Variants in ATXN2L observed in about 807,000 individuals in gnomAD.
ATXN2L encodes the protein ataxin-2-like protein.
Under a neutral mutation model 120.7 loss-of-function variants are expected in ATXN2L, and 24 were observed. That is an observed-to-expected ratio of 0.20 (90% CI 0.14 to 0.28). The LOEUF (loss-of-function observed/expected upper bound fraction) is 0.28, where lower values mean the gene tolerates loss of function less well. Ranked by LOEUF, ATXN2L falls within the 10% of genes least tolerant of loss-of-function variation. The probability of loss-of-function intolerance (pLI) is 1.00; values close to 1 mark genes in which losing one functional copy is unlikely to be tolerated. For synonymous variants in ATXN2L, 653 were observed against 568.1 expected (o/e 1.15, Z -2.13); for missense variants, 1,312 against 1,432.3 (o/e 0.92, Z 1.36).
intron 21 of ATXN2L, 31 bp from the exon 22 acceptor site, chr16:28,835,902 G>T: frequency 6.4e-7 from 1 of 1,553,292 alleles, no homozygotes; most frequent in Non-Finnish European, 8.7e-7. Context: ...GGATTCTGTG[G>T]TCTTCCCGGC....
chr16:28,823,168 C>A lies in ATXN2L; in HGVS notation c.-92C>A, dbSNP rs1389775602. The A allele has an allele frequency of 3.5e-6, 3 of 845,958 alleles. No individual in the cohort carries two copies. The highest frequency in any genetic ancestry group is 4.7e-6 in the Non-Finnish European group (3 of 638,058). 52.4% of individuals were successfully genotyped at this position (845,958 alleles called of 1,614,324 possible). ...CCACGGCGGGCCCCGGCTGCCCGAT[C>A]CCCCTCGCTTCCCGCGCTCTCCAGC... On this transcript the variant is annotated 5_prime_UTR_variant, in exon 1 of 22. Coordinates refer to ENST00000336783, the MANE Select transcript of ATXN2L (RefSeq NM_007245.4).
chr16:28,824,135 C>G (rs1469764265), intron 1 of ATXN2L: 1 of 1,021,278 alleles, frequency 9.8e-7, no homozygotes, highest in Non-Finnish European at 1.2e-6. Context: ...CTCTGGCGCG[C>G]GCGCCCCCTT....
At position 28,823,111 on chromosome 16, in the gene ATXN2L, ACCCCCGACACCGCGGGGCTC is replaced by A. The variant is rs1217786097; in HGVS notation, c.-142_-123del. 5 of 119,756 alleles carry A rather than the reference ACCCCCGACACCGCGGGGCTC, an allele frequency of 4.2e-5. No individual in the cohort carries two copies. Among genetic ancestry groups the A allele is most frequent in the East Asian group, 1.8e-4 (1 of 5,522 alleles). 7.4% of individuals were successfully genotyped at this position (119,756 alleles called of 1,614,324 possible). A position where few individuals can be genotyped will look rare whatever the true frequency, so the allele number is the denominator to read the frequency against. ...CCTCGCGCCGCGGTCTTCTCTCTCC[ACCCCCGACACCGCGGGGCTC>A]CCCCCGCCCGCCCACGGCGGGCCCC... On this transcript the variant is annotated 5_prime_UTR_variant, in exon 1 of 22. Coordinates refer to ENST00000336783, the MANE Select transcript of ATXN2L (RefSeq NM_007245.4).
intron 13 of ATXN2L, 32 bp downstream of exon 13, chr16:28,832,919 G>A (rs768451172): frequency 9.9e-6 from 16 of 1,612,288 alleles, no homozygotes; most frequent in Non-Finnish European, 1.4e-5. Context: ...ATATTAGCAG[G>A]GTAAAGGGGT....
In ATXN2L at chr16:28,829,722, GCCCGTTA is replaced by G. The variant is rs1477956555; in HGVS notation, c.834-132_834-126del. 3 of 938,402 alleles carry G rather than the reference GCCCGTTA, an allele frequency of 3.2e-6. No individual in the cohort carries two copies. The African/African-American group carries it at 4.9e-5, about 15-fold the overall frequency. The allele number at this position is 938,402 out of a possible 1,614,324, so 58.1% of individuals were successfully genotyped here. A position where few individuals can be genotyped will look rare whatever the true frequency, so the allele number is the denominator to read the frequency against. ...GTGCTCTACCTGGGATGCAGTCGGTGCCCGTTACCCAGATGTTGAAGGGATTAAATAC... is the reference window on the plus strand; with the variant it reads ...GTGCTCTACCTGGGATGCAGTCGGTGCCCAGATGTTGAAGGGATTAAATAC... On this transcript the variant is annotated intron_variant, in intron 7 of 21. Transcript: ENST00000336783.
chr16:28,828,163 T>C (rs1242394401), intron 6 of ATXN2L, among the ~76,000 whole-genome samples: 4 of 152,338 alleles, frequency 2.6e-5, no homozygotes, highest in East Asian at 3.9e-4. Flanking sequence ...TGCTGGACTT[T>C]TAGAACATAT....
chr16:28,830,819 G>T, intron 9 of ATXN2L, 29 bp downstream of exon 9: 1 of 1,567,716 alleles, frequency 6.4e-7, no homozygotes. Context: ...TTGAGGAAGA[G>T]GGCAGGGAAG....
intron 4 of ATXN2L, 67 bp from the exon 5 acceptor site, chr16:28,826,173 C>T: frequency 6.4e-7 from 1 of 1,573,204 alleles, no homozygotes; most frequent in Non-Finnish European, 8.7e-7. Flanking sequence ...AAGAGAAATC[C>T]AGTTCTATTT....
chr16:28,834,140 G>A lies in ATXN2L; in HGVS notation c.2101G>A (p.Gly701Ser). 6.2e-7 allele frequency: 1 copy of A among 1,614,172 alleles called. No homozygotes were observed. The highest frequency in any genetic ancestry group is 8.5e-7 in the Non-Finnish European group (1 of 1,180,014). Reference protein sequence around the residue: ...STPSIPVLTAGQSGLYSPQYI... With the variant: ...STPSIPVLTASQSGLYSPQYI... ...TCCCTCCATCCCGGTGCTGACAGCA[G>A]GCCAGAGTGGGCTATACAGCCCCCA... Residue 701 changes from glycine to serine, a missense_variant, in exon 16 of 22, where the codon GGC becomes AGC. By Grantham distance (56) the Gly-to-Ser change is moderately conservative. Coordinates refer to ENST00000336783, the MANE Select transcript of ATXN2L (RefSeq NM_007245.4).
At chr16:28,828,822 C>G (rs1158036578) in intron 6 of ATXN2L, among the ~76,000 whole-genome samples, 1 of 152,090 alleles carries the variant, frequency 6.6e-6, no homozygotes, top group African/African-American at 2.4e-5. Context: ...GTGGCTCGAT[C>G]TCAGCTCACT....
rs1201573837 is a variant in ATXN2L, at chr16:28,836,357, C to T, written c.*92C>T. The stretch of plus-strand genomic sequence containing the variant: ...GGGTGGGCAGAAGCCACAGTCGCCG[C>T]CGCCAGGGGCTTGCTCCTGGCTCTG... On this transcript the variant is annotated 3_prime_UTR_variant, in exon 22 of 22. Transcript: ENST00000336783. 7 of 1,613,568 alleles carry T rather than the reference C, an allele frequency of 4.3e-6. No homozygotes were observed. Among genetic ancestry groups the T allele is most frequent in the Non-Finnish European group, 5.1e-6 (6 of 1,179,880 alleles).
intron 15 of ATXN2L, chr16:28,833,716 ATCAG>A (rs1489798118): frequency 1.5e-4 from 83 of 539,552 alleles, no homozygotes; most frequent in Non-Finnish European, 2.5e-4. Context: ...TGATCAGGGG[ATCAG>A]GGATCCCAGT....
At chr16:28,834,007 C>T in intron 15 of ATXN2L, 58 bp from the exon 16 acceptor site, 2 of 1,568,192 alleles carry the variant, frequency 1.3e-6, no homozygotes, top group Non-Finnish European at 1.7e-6. Flanking sequence ...CCACTCTAGG[C>T]ATGGCCAGGA....
At position 28,823,342 on chromosome 16, in the gene ATXN2L, C is replaced by A; in HGVS notation, c.83C>A (p.Pro28His). The A allele has an allele frequency of 7.2e-7, 1 of 1,383,390 alleles. No homozygotes were observed. The highest frequency in any genetic ancestry group is 9.3e-7 in the Non-Finnish European group (1 of 1,070,058). The allele number at this position is 1,383,390 out of a possible 1,614,324, so 85.7% of individuals were successfully genotyped here. A position where few individuals can be genotyped will look rare whatever the true frequency, so the allele number is the denominator to read the frequency against. Residue 28 changes from proline to histidine, a missense_variant, in exon 1 of 22, where the codon CCC (proline) becomes CAC (histidine). Physicochemically the swap from Pro to His is moderately conservative, Grantham distance 77. Coordinates refer to ENST00000336783, the MANE Select transcript of ATXN2L (RefSeq NM_007245.4). ...CAACAGGCCGTGGCCCGTCGGCCCC[C>A]CGGGGGCACCAGCCCTCCCAACGGC... is the stretch of plus-strand genomic sequence containing the variant. ...PTQQAVARRPPGGTSPPNGGL... is the reference protein window; with the variant it reads ...PTQQAVARRPHGGTSPPNGGL...
Position 28,832,500 on chromosome 16 carries a change from A to G in ATXN2L, c.1521A>G (p.Lys507=). 6.2e-7 allele frequency: 1 copy of G among 1,614,166 alleles called. No individual in the cohort carries two copies. Among genetic ancestry groups the G allele is most frequent in the Non-Finnish European group, 8.5e-7 (1 of 1,179,984 alleles). Residue 507 remains lysine, a synonymous_variant, in exon 12 of 22, where the codon AAA becomes AAG. Transcript: ENST00000336783. ...PKISLAPTDV[K]ELSTKEPGRT... ...CATTTCTCTTTACTTGAACAGTAAA[A>G]GAACTCTCTACCAAGGAACCTGGGA...
rs1344511790 is a variant in ATXN2L, at chr16:28,826,826, T to C, written c.617-36T>C. 4.6e-6 allele frequency: 7 copies of C among 1,505,672 alleles called. No homozygotes were observed. In the African/African-American group the frequency reaches 7.0e-5, roughly 15 times the overall value. 93.3% of individuals were successfully genotyped at this position (1,505,672 alleles called of 1,614,324 possible). ...ATATTGGAAAGAAGTCTGTGAAATA[T>C]AGCCTGACTCCTGATCTTCACCTCT... On this transcript the variant is annotated intron_variant, in intron 5 of 21. Transcript: ENST00000336783.
intron 1 of ATXN2L, 159 bp downstream of exon 1, chr16:28,823,717 G>C: frequency 1.3e-6 from 1 of 748,708 alleles, no homozygotes; most frequent in Non-Finnish European, 1.8e-6. Context: ...GAACAGGTCG[G>C]ACGGAAAGGG....
rs1209902140 is a variant in ATXN2L, at chr16:28,830,952, A to C, written c.1211-10A>C. 19 of 1,548,126 alleles carry C rather than the reference A, an allele frequency of 1.2e-5. No individual in the cohort carries two copies. In the East Asian group the frequency reaches 3.6e-4, roughly 29 times the overall value. On this transcript the variant is annotated splice_polypyrimidine_tract_variant and intron_variant, in intron 9 of 21. Coordinates refer to ENST00000336783, the MANE Select transcript of ATXN2L (RefSeq NM_007245.4). The stretch of plus-strand genomic sequence containing the variant: ...TTTTCTTCTCAAAAAAAAAAAAAAA[A>C]ACCAAACAGGCCCTTCCCGCATGTC...
chr16:28,834,528 G>C lies in ATXN2L; in HGVS notation c.2268G>C (p.Ser756=), dbSNP rs1287654289. ...CAGGCTCCCTTCCTCCGCAGCGCTC[G>C]GACCAACACCAGCCAGCCTCAGCCC... ...GAKGSLPPQR[S]DQHQPASAPP... The change falls in exon 18 of 22, where the codon TCG becomes TCC. Residue 756 remains serine (S), a synonymous_variant. Transcript: ENST00000336783. 1.9e-6 allele frequency: 3 copies of C among 1,610,664 alleles called. No individual in the cohort carries two copies. The highest frequency in any genetic ancestry group is 3.3e-5 in the Admixed American group (2 of 59,964).
Sources: allele counts gnomAD v4.1 joint callset (sites outside exome capture counted in the v4.1 genomes callset), GRCh38; gene constraint gnomAD v4.1.1; transcripts MANE v1.5; gene names NCBI Gene and HGNC (gene_info 2026-07-23, HGNC 2026-07-21).